CFAP70: variants seen among roughly 807,000 people sequenced by gnomAD.
The protein encoded by CFAP70 is cilia- and flagella-associated protein 70.
A neutral mutation model predicts 137.6 loss-of-function variants in CFAP70; 81 were observed. That is an observed-to-expected ratio of 0.59 (90% CI 0.49 to 0.71). The LOEUF (loss-of-function observed/expected upper bound fraction) is 0.71. Ranked by LOEUF, CFAP70 falls within the 30% of genes least tolerant of loss-of-function variation. The probability of loss-of-function intolerance (pLI) is 0.00; values close to 1 mark genes in which losing one functional copy is unlikely to be tolerated. For synonymous variants in CFAP70, 382 were observed against 423.6 expected, an observed-to-expected ratio of 0.90 and a Z score of 1.20; for missense variants, 976 against 1,226.7, an observed-to-expected ratio of 0.80 and a Z score of 3.05.
At chr10:73,352,485 T>G (rs900528503) in intron 3 of CFAP70, among the ~76,000 whole-genome samples, 2 of 152,196 alleles carry the variant, frequency 1.3e-5, no homozygotes, top group African/African-American at 4.8e-5. Context: ...TTTTTCTTTT[T>G]TTTGGTCTGT....
At chr10:73,326,903 G>C (rs1233738645) in intron 8 of CFAP70, among the ~76,000 whole-genome samples, 1 of 151,562 alleles carries the variant, frequency 6.6e-6, no homozygotes, top group Non-Finnish European at 1.5e-5. Flanking sequence ...AATTCTACCA[G>C]AGGTACAAGG....
At chr10:73,285,012 A>G (rs1448809671) in intron 19 of CFAP70, among the ~76,000 whole-genome samples, 2 of 151,618 alleles carry the variant, frequency 1.3e-5, no homozygotes, top group African/African-American at 4.8e-5. Context: ...ATTGAACATT[A>G]GTCTTATAAA....
rs781142967 is a variant in CFAP70 at position 73,341,434 on chromosome 10, AGG to A, written c.545_546del (p.Pro182LeufsTer2). On this transcript the variant is annotated frameshift_variant, in exon 6 of 27. Transcript: ENST00000310715. LOFTEE classifies it high-confidence loss of function. ...TTGAGTTCTCCTTCTTCTTCTTCATAGGGACCACCAACAATGAATGCATCAGG... is the reference window on the plus strand; with the variant it reads ...TTGAGTTCTCCTTCTTCTTCTTCATAGACCACCAACAATGAATGCATCAGG... 5.6e-6 allele frequency: 9 copies of A among 1,613,914 alleles called. No homozygotes were observed. The highest frequency in any genetic ancestry group is 7.6e-6 in the Non-Finnish European group (9 of 1,179,890).
At chr10:73,323,541 C>T (rs1417464535) in intron 8 of CFAP70, among the ~76,000 whole-genome samples, 4 of 152,196 alleles carry the variant, frequency 2.6e-5, no homozygotes, top group African/African-American at 4.8e-5. Flanking sequence ...ACTCGGGAAG[C>T]GCAAGGGGTC....
At chr10:73,328,451 A>G (rs2051704588) in intron 8 of CFAP70, among the ~76,000 whole-genome samples, 1 of 150,482 alleles carries the variant, frequency 6.6e-6, no homozygotes, top group Admixed American at 6.6e-5. Context: ...TGTCTAAAAC[A>G]CCAAAAGCAA....
At chr10:73,254,031 G>C in exon 27 of CFAP70, 1 of 1,587,700 alleles carries the variant, frequency 6.3e-7, no homozygotes, top group Non-Finnish European at 8.6e-7. Context: ...ATCTCTGCAA[G>C]CAGAGCCTCA....
chr10:73,345,630 A>C (rs1398414941), intron 4 of CFAP70, among the ~76,000 whole-genome samples: 1 of 151,704 alleles, frequency 6.6e-6, no homozygotes, highest in Non-Finnish European at 1.5e-5. Context: ...CACAGTGAAA[A>C]CCCATCTCTA....
chr10:73,303,337 C>G (rs1187806389), intron 12 of CFAP70, among the ~76,000 whole-genome samples: 2 of 152,174 alleles, frequency 1.3e-5, no homozygotes, highest in African/African-American at 2.4e-5. Context: ...CCTGCCTCAG[C>G]CTCCTGAGTA....
At chr10:73,345,209 C>T (rs1350823760) in intron 4 of CFAP70, 2 of 1,614,030 alleles carry the variant, frequency 1.2e-6, no homozygotes, top group Non-Finnish European at 1.7e-6. Context: ...TCAGTAAAGG[C>T]TCTGCCACTA....
intron 23 of CFAP70, among the ~76,000 whole-genome samples, chr10:73,273,230 G>C (rs2046444568): frequency 6.6e-6 from 1 of 152,184 alleles, no homozygotes; most frequent in Admixed American, 6.5e-5. Context: ...ACTTTCACTT[G>C]GAAGTAGTTC....
intron 20 of CFAP70, 106 bp from the exon 22 acceptor site, chr10:73,277,467 C>A: frequency 1.6e-6 from 2 of 1,277,494 alleles, no homozygotes; most frequent in South Asian, 1.5e-5. Context: ...GTAATCCCAG[C>A]ACTTTGGGAG....
chr10:73,360,042 C>T (rs1195632772), upstream of CFAP70, among the ~76,000 whole-genome samples: 1 of 152,184 alleles, frequency 6.6e-6, no homozygotes, highest in Non-Finnish European at 1.5e-5. Context: ...ATATGTATCT[C>T]TGTATAGCAT....
At chr10:73,340,871 G>T (rs918291893) in intron 6 of CFAP70, among the ~76,000 whole-genome samples, 2 of 152,238 alleles carry the variant, frequency 1.3e-5, no homozygotes, top group African/African-American at 4.8e-5. Flanking sequence ...GGGCTTCCCA[G>T]CTTCCAAGAG....
At chr10:73,255,280 C>T (rs1234008879) in intron 26 of CFAP70, among the ~76,000 whole-genome samples, 1 of 152,116 alleles carries the variant, frequency 6.6e-6, no homozygotes, top group Non-Finnish European at 1.5e-5. Context: ...GCTGTAGTCC[C>T]AGCTACTCAG....
chr10:73,350,629 T>C (rs760360047), intron 3 of CFAP70, among the ~76,000 whole-genome samples: 8 of 152,186 alleles, frequency 5.3e-5, no homozygotes, highest in South Asian at 2.1e-4. Flanking sequence ...ATATTTTTTT[T>C]CTGTGGTTTC....
chr10:73,341,110 C>T (rs1307243783), intron 6 of CFAP70, among the ~76,000 whole-genome samples: 1 of 152,218 alleles, frequency 6.6e-6, no homozygotes, highest in African/African-American at 2.4e-5. Flanking sequence ...TAGAGGGACA[C>T]TTTCACTGCA....
intron 26 of CFAP70, among the ~76,000 whole-genome samples, chr10:73,255,192 A>G (rs768019689): frequency 3.4e-4 from 51 of 152,120 alleles, no homozygotes; most frequent in Admixed American, 6.6e-4. Flanking sequence ...AGGTCAGGAG[A>G]TCAAGACCAT....
chr10:73,361,293 CTTTTTTTTT>C (rs577780984), upstream of CFAP70, among the ~76,000 whole-genome samples: 6 of 128,376 alleles, frequency 4.7e-5, no homozygotes, highest in South Asian at 1.3e-3. Context: ...CATGCCCGGC[CTTTTTTTTT>C]TTTTTTTTTT....
chr10:73,256,453 C>T (rs2044504229), intron 25 of CFAP70, 37 bp from the exon 27 acceptor site: 2 of 1,613,028 alleles, frequency 1.2e-6, no homozygotes, highest in Non-Finnish European at 1.7e-6. Context: ...GATGACAGGT[C>T]ATAAACATTA....
Sources: allele counts gnomAD v4.1 joint callset (sites outside exome capture counted in the v4.1 genomes callset), GRCh38; gene constraint gnomAD v4.1.1; transcripts MANE v1.5; gene names NCBI Gene and HGNC (gene_info 2026-07-23, HGNC 2026-07-21).